HTR7: variants seen among roughly 807,000 people sequenced by gnomAD.
HTR7 encodes 5-hydroxytryptamine receptor 7.
A neutral mutation model predicts 34.0 loss-of-function variants in HTR7; 16 were observed. The ratio of observed to expected loss-of-function variants is 0.47; its 90% CI spans 0.32 to 0.71. HTR7 has a LOEUF of 0.71. Ranked by LOEUF, HTR7 falls within the 30% of genes least tolerant of loss-of-function variation. The pLI is 0.04. For missense variants in HTR7, 504 were observed against 625.5 expected, an observed-to-expected ratio of 0.81 and a Z score of 2.07; for synonymous variants, 265 against 260.2, an observed-to-expected ratio of 1.02 and a Z score of -0.18.
chr10:90,796,478 G>T lies in HTR7; in HGVS notation c.540-46884C>A, dbSNP rs367772020. Among the ~76,000 whole-genome samples, 9 of 152,174 alleles carry T rather than the reference G, an allele frequency of 5.9e-5. No homozygotes were observed. In the East Asian group the frequency reaches 1.3e-3, roughly 23 times the overall value. On this transcript the variant is annotated intron_variant, in intron 1 of 3. Transcript: ENST00000336152. Reference sequence around the variant, plus strand: ...ACAAAACAAATTTTAGACCAGGTGTGGTGGCTCAAACCTGTAATCTCAGCA... The same window carrying T: ...ACAAAACAAATTTTAGACCAGGTGTTGTGGCTCAAACCTGTAATCTCAGCA...
chr10:90,776,014 TAG>T (rs937398156), intron 1 of HTR7, among the ~76,000 whole-genome samples: 7 of 152,242 alleles, frequency 4.6e-5, no homozygotes, highest in African/African-American at 9.6e-5. Context: ...ATAAAATTAT[TAG>T]AGAGATAGTT....
At position 90,857,485 on chromosome 10, in the gene HTR7, G is replaced by A. The variant is rs778070237; in HGVS notation, c.187C>T (p.Pro63Ser). The change falls in exon 1 of 4, where the codon CCC becomes TCC. Residue 63 changes from proline (P) to serine (S), a missense_variant. Around this residue, in one of 4 missense-constraint regions of HTR7, gnomAD observed 139 missense variants for 117.1 expected, o/e 1.19. Coordinates refer to ENST00000336152, the MANE Select transcript of HTR7 (RefSeq NM_019859.4). The surrounding 1 kb of genome is among the most constrained non-coding windows in gnomAD (Gnocchi z 6.5). ...TASPAPTWDA[P>S]PDNASGCGEQ... ...CCACAGCCGGAGGCATTGTCCGGGG[G>A]CGCGTCCCAGGTGGGCGCCGGGCTG... The A allele has an allele frequency of 5.6e-6, 9 of 1,613,348 alleles. No homozygotes were observed. The highest frequency in any genetic ancestry group is 1.1e-5 in the South Asian group (1 of 91,080).
chr10:90,831,237 G>A (rs537591087), intron 1 of HTR7, among the ~76,000 whole-genome samples: 8 of 152,330 alleles, frequency 5.3e-5, no homozygotes, highest in African/African-American at 1.9e-4. Context: ...CGCCGTGAGT[G>A]TTACAGTTCT....
Position 90,857,114 on chromosome 10 carries a change from G to T in HTR7, c.539+19C>A. The T allele has an allele frequency of 1.3e-6, 2 of 1,525,210 alleles. No homozygotes were observed. Among genetic ancestry groups the T allele is most frequent in the Non-Finnish European group, 8.8e-7 (1 of 1,132,330 alleles). 94.5% of individuals were successfully genotyped at this position (1,525,210 alleles called of 1,614,324 possible). A position where few individuals can be genotyped will look rare whatever the true frequency, so the allele number is the denominator to read the frequency against. On this transcript the variant is annotated intron_variant, in intron 1 of 3. Coordinates refer to ENST00000336152, the MANE Select transcript of HTR7 (RefSeq NM_019859.4). The surrounding 1 kb of genome is among the most constrained non-coding windows in gnomAD (Gnocchi z 6.5). ...CCGGTCCCCAGCCGGAGCCTGGGACGGGGCGGTCCGGCCCTTACCTGTCAA... is the reference window on the plus strand; with the variant it reads ...CCGGTCCCCAGCCGGAGCCTGGGACTGGGCGGTCCGGCCCTTACCTGTCAA...
At chr10:90,822,818 T>C (rs978238960) in intron 1 of HTR7, among the ~76,000 whole-genome samples, 3 of 152,188 alleles carry the variant, frequency 2.0e-5, no homozygotes, top group South Asian at 2.1e-4. Flanking sequence ...CCTGGTGTCC[T>C]AGCTACTCTG....
At chr10:90,769,850 C>CA in intron 1 of HTR7, among the ~76,000 whole-genome samples, 1 of 152,176 alleles carries the variant, frequency 6.6e-6, no homozygotes, top group East Asian at 1.9e-4. Context: ...AAATTACTGA[C>CA]AAAAATAAAT....
At chr10:90,785,528 C>G (rs1845367823) in intron 1 of HTR7, among the ~76,000 whole-genome samples, 1 of 152,104 alleles carries the variant, frequency 6.6e-6, no homozygotes, top group African/African-American at 2.4e-5. Context: ...TGCCCCCAGA[C>G]ACACACACTT....
At chr10:90,791,894 G>C (rs1253368784) in intron 1 of HTR7, among the ~76,000 whole-genome samples, 1 of 151,932 alleles carries the variant, frequency 6.6e-6, no homozygotes, top group Admixed American at 6.6e-5. Context: ...CAGTTCTTTG[G>C]GATTTACCTG....
intron 1 of HTR7, among the ~76,000 whole-genome samples, chr10:90,779,352 G>A (rs1446786835): frequency 6.6e-6 from 1 of 152,196 alleles, no homozygotes; most frequent in Non-Finnish European, 1.5e-5. Context: ...AACCTGATGT[G>A]ATTGTGAGAA....
intron 1 of HTR7, among the ~76,000 whole-genome samples, chr10:90,773,524 A>G (rs1013855330): frequency 2.0e-5 from 3 of 152,136 alleles, no homozygotes; most frequent in African/African-American, 7.2e-5. Context: ...TATTGACTAT[A>G]CTCACCCTGT....
chr10:90,828,942 AAAG>A (rs1341214803), intron 1 of HTR7, among the ~76,000 whole-genome samples: 3 of 152,084 alleles, frequency 2.0e-5, no homozygotes, highest in African/African-American at 7.2e-5. Context: ...AGAAAGAAAG[AAAG>A]AAAAAAAAAG....
At chr10:90,815,870 TG>T (rs1845891651) in intron 1 of HTR7, among the ~76,000 whole-genome samples, 1 of 152,190 alleles carries the variant, frequency 6.6e-6, no homozygotes, top group Admixed American at 6.5e-5. Flanking sequence ...TTGCAGGTTT[TG>T]GCAAAAGTCT....
chr10:90,806,719 CA>C (rs1223736170), intron 1 of HTR7, among the ~76,000 whole-genome samples: 1 of 152,160 alleles, frequency 6.6e-6, no homozygotes, highest in Admixed American at 6.5e-5. Flanking sequence ...TCACAAGATA[CA>C]TGAGGAAATG....
At chr10:90,777,646 C>T (rs1376754599) in intron 1 of HTR7, among the ~76,000 whole-genome samples, 4 of 152,194 alleles carry the variant, frequency 2.6e-5, no homozygotes, top group African/African-American at 9.7e-5. Context: ...TCATTTTGGT[C>T]TCACTGGCCA....
At chr10:90,776,618 A>G (rs969087435) in intron 1 of HTR7, among the ~76,000 whole-genome samples, 5 of 152,218 alleles carry the variant, frequency 3.3e-5, no homozygotes, top group Non-Finnish European at 7.3e-5. Flanking sequence ...AAAGAACATG[A>G]GTTTGTTCTG....
intron 1 of HTR7, among the ~76,000 whole-genome samples, chr10:90,770,067 G>A (rs1441714442): frequency 6.6e-6 from 1 of 152,236 alleles, no homozygotes; most frequent in Non-Finnish European, 1.5e-5. Flanking sequence ...TGCGCAGCCA[G>A]ACGGAACCTG....
At chr10:90,848,162 G>A (rs530345258) in intron 1 of HTR7, among the ~76,000 whole-genome samples, 70 of 146,478 alleles carry the variant, frequency 4.8e-4, no homozygotes, top group East Asian at 2.1e-3. Flanking sequence ...TCGGCCTCCC[G>A]GGTTCAAGCG....
In HTR7 at chr10:90,857,353, A is replaced by C; in HGVS notation, c.319T>G (p.Cys107Gly). 6.2e-7 allele frequency: 1 copy of C among 1,614,042 alleles called. No homozygotes were observed. ...GGCTGGCGGAGCTTCTTGACGAAGC[A>C]CACGGAGATCACCACCAGGCAGTTG... ...AGNCLVVISV[C>G]FVKKLRQPSN... The change falls in exon 1 of 4, where the codon TGC becomes GGC. Residue 107 changes from cysteine to glycine, a missense_variant. Physicochemically the swap from Cys to Gly is radical, Grantham distance 159. Around this residue, in one of 4 missense-constraint regions of HTR7, gnomAD observed 154 missense variants for 248.8 expected, o/e 0.62. Coordinates refer to ENST00000336152, the MANE Select transcript of HTR7 (RefSeq NM_019859.4). This position sits in a 1 kb window ranked among gnomAD's most constrained non-coding sequence, Gnocchi z 6.5.
At chr10:90,755,073 G>C (rs960252307) in intron 1 of HTR7, among the ~76,000 whole-genome samples, 2 of 152,182 alleles carry the variant, frequency 1.3e-5, no homozygotes, top group African/African-American at 4.8e-5. Context: ...GTTTAGGATT[G>C]ACTGTTCTGG....
Sources: allele counts gnomAD v4.1 joint callset (sites outside exome capture counted in the v4.1 genomes callset), GRCh38; gene constraint gnomAD v4.1.1; regional missense constraint gnomAD v4.1.1; non-coding constraint Gnocchi (gnomAD v3.1); transcripts MANE v1.5; gene names NCBI Gene and HGNC (gene_info 2026-07-23, HGNC 2026-07-21).